FAT2: variants seen among roughly 807,000 people sequenced by gnomAD.
FAT2 encodes the protein FAT atypical cadherin 2.
FAT2 carries 150 observed loss-of-function variants against 295.3 expected under a neutral mutation model. The observed-to-expected ratio is 0.51, with a 90% confidence interval of 0.44 to 0.58. FAT2 has a LOEUF of 0.58. Among genes scored for constraint, FAT2 ranks in the 20% least tolerant of loss-of-function variants. The pLI, the probability that FAT2 is intolerant of heterozygous loss-of-function variation, is 0.00. For missense variants in FAT2, 4,868 were observed against 5,442.7 expected (o/e 0.89, Z 3.32); for synonymous variants, 2,026 against 2,150.3 (o/e 0.94, Z 1.60).
In FAT2 at chr5:151,534,659, C is replaced by T; in HGVS notation, c.9194-17G>A. ...TCAGCTCCCCTGGTCGGAGAAATGA[C>T]AAAAGTTGAGCTTTCTCTGGGGAAA... On this transcript the variant is annotated splice_polypyrimidine_tract_variant and intron_variant, in intron 12 of 23. Transcript: ENST00000261800. The T allele has an allele frequency of 6.3e-7, 1 of 1,595,802 alleles. No homozygotes were observed. The highest frequency in any genetic ancestry group is 8.6e-7 in the Non-Finnish European group (1 of 1,164,622).
chr5:151,546,828 C>T (rs1444148675), intron 9 of FAT2, among the ~76,000 whole-genome samples: 1 of 152,060 alleles, frequency 6.6e-6, no homozygotes, highest in Non-Finnish European at 1.5e-5. Flanking sequence ...AAGCGGTCCT[C>T]CAGCCTCAGC....
intron 3 of FAT2, among the ~76,000 whole-genome samples, chr5:151,561,977 A>G (rs945327482): frequency 4.6e-5 from 7 of 152,094 alleles, no homozygotes; most frequent in African/African-American, 1.7e-4. Flanking sequence ...TAGGTGAGAG[A>G]TCTCTTCCCA....
At chr5:151,538,537 G>A (rs539995572) in intron 11 of FAT2, among the ~76,000 whole-genome samples, 1 of 152,328 alleles carries the variant, frequency 6.6e-6, no homozygotes, top group African/African-American at 2.4e-5. Flanking sequence ...TGGCAGAGGG[G>A]AAAGGCTGGA....
rs780155104 is a variant in FAT2, at chr5:151,550,607, G to A, written c.4561C>T (p.His1521Tyr). 20 of 1,614,012 alleles carry A rather than the reference G, an allele frequency of 1.2e-5. No homozygotes were observed. Among genetic ancestry groups the A allele is most frequent in the Admixed American group, 8.3e-5 (5 of 60,008 alleles). The change falls in exon 8 of 24, where the codon CAC (histidine) becomes TAC (tyrosine). Residue 1521 changes from histidine (H) to tyrosine (Y), a missense_variant. This residue lies in a region of FAT2 where 3,297 missense variants were observed against 3,669.4 expected (regional missense o/e 0.90). Coordinates refer to ENST00000261800, the MANE Select transcript of FAT2 (RefSeq NM_001447.3). ...KLDLGSGPSQ[H>Y]TLTVMVRDQE... ...TTACTCACCATGACTGTCAGTGTGT[G>A]CTGGGAGGGCCCCGAGCCGAGGTCC...
intron 1 of FAT2, among the ~76,000 whole-genome samples, chr5:151,588,252 C>T (rs931883313): frequency 6.6e-6 from 1 of 152,154 alleles, no homozygotes; most frequent in Non-Finnish European, 1.5e-5. Context: ...TCCCACATTG[C>T]CTCTGGAGGA....
At chr5:151,530,251 G>GAA (rs35386457) in intron 14 of FAT2, among the ~76,000 whole-genome samples, 5 of 128,710 alleles carry the variant, frequency 3.9e-5, no homozygotes, top group Non-Finnish European at 6.7e-5. Context: ...CTTAACACCA[G>GAA]AAAAAAAAAA....
At position 151,566,622 on chromosome 5, in the gene FAT2, C is replaced by T; in HGVS notation, c.2310G>A (p.Gly770=). The change falls in exon 2 of 24, where the codon GGG becomes GGA. Residue 770 remains glycine (G), a synonymous_variant. Coordinates refer to ENST00000261800, the MANE Select transcript of FAT2 (RefSeq NM_001447.3). ...CCAAGGGAGCAGCTACAGTGAGCAGCCCTGTCTCCAGCTCTATGTCAAAGC... is the reference window on the plus strand; with the variant it reads ...CCAAGGGAGCAGCTACAGTGAGCAGTCCTGTCTCCAGCTCTATGTCAAAGC... ...EGCFDIELET[G]LLTVAAPLDY... is the part of the protein sequence containing the mutation. The T allele has an allele frequency of 1.2e-6, 2 of 1,614,166 alleles. No individual in the cohort carries two copies. The highest frequency in any genetic ancestry group is 1.7e-6 in the Non-Finnish European group (2 of 1,180,036).
Position 151,505,251 on chromosome 5 carries a change from C to T in FAT2, c.*314G>A. On this transcript the variant is annotated 3_prime_UTR_variant, in exon 24 of 24. Coordinates refer to ENST00000261800, the MANE Select transcript of FAT2 (RefSeq NM_001447.3). ...CAGGCTCTGCCCCGGGGACTGAGAGCCGGCAGATCAGGGAGCCCTCCTGTC... is the reference window on the plus strand; with the variant it reads ...CAGGCTCTGCCCCGGGGACTGAGAGTCGGCAGATCAGGGAGCCCTCCTGTC... The T allele has an allele frequency of 2.4e-6, 1 of 424,950 alleles. No homozygotes were observed. Among genetic ancestry groups the T allele is most frequent in the Non-Finnish European group, 4.2e-6 (1 of 237,176 alleles). 26.3% of individuals were successfully genotyped at this position (424,950 alleles called of 1,614,324 possible).
At chr5:151,515,205 C>T (rs1319514846) in intron 20 of FAT2, among the ~76,000 whole-genome samples, 1 of 152,192 alleles carries the variant, frequency 6.6e-6, no homozygotes, top group Admixed American at 6.5e-5. Flanking sequence ...GTGTTCTTCA[C>T]TTGGCTTCCT....
chr5:151,547,787 T>G (rs1405149319), intron 9 of FAT2, among the ~76,000 whole-genome samples: 1 of 152,208 alleles, frequency 6.6e-6, no homozygotes, highest in Non-Finnish European at 1.5e-5. Flanking sequence ...CACAAAATTG[T>G]ATATTCATTA....
intron 20 of FAT2, among the ~76,000 whole-genome samples, chr5:151,513,166 T>A (rs371385158): frequency 6.6e-6 from 1 of 152,326 alleles, no homozygotes; most frequent in Admixed American, 6.5e-5. Context: ...GAAGTAAATA[T>A]GAGAAGCCAG....
At chr5:151,532,969 C>T (rs2127593045) in intron 13 of FAT2, among the ~76,000 whole-genome samples, 1 of 152,232 alleles carries the variant, frequency 6.6e-6, no homozygotes, top group Middle Eastern at 3.4e-3. Context: ...TATGAAGAAA[C>T]CATAATTTTT....
rs142119037 is a variant in FAT2 at position 151,568,054 on chromosome 5, C to A, written c.878G>T (p.Gly293Val). 27 of 1,614,078 alleles carry A rather than the reference C, an allele frequency of 1.7e-5. No individual in the cohort carries two copies. The highest frequency in any genetic ancestry group is 2.2e-5 in the Non-Finnish European group (26 of 1,180,044). Residue 293 changes from glycine (G) to valine (V), a missense_variant, in exon 2 of 24, where the codon GGT (glycine) becomes GTT (valine). Transcript: ENST00000261800. The stretch of plus-strand genomic sequence containing the variant: ...TTTGAAGTGCTTTCCAGGGTCACCA[C>A]CAACAACTTCCACTGACTCCACTTC... ...GAEVESVEVV[G>V]GDPGKHFKAI...
chr5:151,543,035 A>T lies in FAT2; in HGVS notation c.8092T>A (p.Phe2698Ile). Reference protein sequence around the residue: ...LPKFSEPLYTFSAPEDLPEGS... With the variant: ...LPKFSEPLYTISAPEDLPEGS... The stretch of plus-strand genomic sequence containing the variant: ...TCTGGAAGGTCTTCAGGTGCAGAGA[A>T]AGTATACAAAGGTTCAGAAAATTTC... The change falls in exon 10 of 24, where the codon TTC becomes ATC. Residue 2698 changes from phenylalanine (F) to isoleucine (I), a missense_variant. Physicochemically the swap from Phe to Ile is conservative, Grantham distance 21. Transcript: ENST00000261800. 1 of 1,614,186 alleles carries T rather than the reference A, an allele frequency of 6.2e-7. No homozygotes were observed. Among genetic ancestry groups the T allele is most frequent in the Non-Finnish European group, 8.5e-7 (1 of 1,180,028 alleles).
chr5:151,511,169 G>C (rs1326206735), intron 21 of FAT2: 1 of 152,348 alleles, frequency 6.6e-6, no homozygotes, highest in Non-Finnish European at 1.5e-5. Flanking sequence ...AATGGGGAAA[G>C]AGAGAAGTGA....
At position 151,568,709 on chromosome 5, in the gene FAT2, AGAT is replaced by A; in HGVS notation, c.220_222del (p.Ile74del). Reference sequence around the variant, plus strand: ...TTAAATACATTGGCCACATCCCCAGAGATGATCCGGTACCTCACTGCCCACTGT... The same window carrying A: ...TTAAATACATTGGCCACATCCCCAGAGATCCGGTACCTCACTGCCCACTGT... On this transcript the variant is annotated inframe_deletion, in exon 2 of 24. Transcript: ENST00000261800. 1 of 1,614,176 alleles carries A rather than the reference AGAT, an allele frequency of 6.2e-7. No individual in the cohort carries two copies.
chr5:151,533,393 A>AAAACAC (rs373411098), intron 13 of FAT2, among the ~76,000 whole-genome samples: 8,677 of 131,994 alleles, frequency 0.066, 323 homozygotes, highest in Non-Finnish European at 0.088. Context: ...TGTTATCTCC[A>AAAACAC]ACACACACAC....
In FAT2 at chr5:151,566,230, T is replaced by C; in HGVS notation, c.2702A>G (p.Lys901Arg). 1 of 1,614,124 alleles carries C rather than the reference T, an allele frequency of 6.2e-7. No individual in the cohort carries two copies. The highest frequency in any genetic ancestry group is 8.5e-7 in the Non-Finnish European group (1 of 1,180,012). Reference protein sequence around the residue: ...LKVEARDQPSKGHQLFSVTDL... With the variant: ...LKVEARDQPSRGHQLFSVTDL... ...AGTGACAGAGAAGAGCTGGTGGCCT[T>C]TGCTGGGCTGATCCCTGGCCTCCAC... Residue 901 changes from lysine (K) to arginine (R), a missense_variant, in exon 2 of 24, where the codon AAA becomes AGA. By Grantham distance (26) the Lys-to-Arg change is conservative. Around this residue, in one of 5 missense-constraint regions of FAT2, gnomAD observed 3,297 missense variants for 3,669.4 expected, o/e 0.90. Coordinates refer to ENST00000261800, the MANE Select transcript of FAT2 (RefSeq NM_001447.3).
rs1036815351 is a variant in FAT2 at position 151,512,830 on chromosome 5, G to T, written c.11464-224C>A. 1.8e-6 allele frequency: 1 copy of T among 567,660 alleles called. No homozygotes were observed. Among genetic ancestry groups the T allele is most frequent in the South Asian group, 2.2e-5 (1 of 45,614 alleles). 35.2% of individuals were successfully genotyped at this position (567,660 alleles called of 1,614,324 possible). ...CCCCATGGGATGGTCTGGGTAGGGG[G>T]TGACATCTCCATTCACAGATGAGGA... On this transcript the variant is annotated intron_variant, in intron 20 of 23. Coordinates refer to ENST00000261800, the MANE Select transcript of FAT2 (RefSeq NM_001447.3). This position sits in a 1 kb window ranked among gnomAD's most constrained non-coding sequence, Gnocchi z 4.1.
Sources: allele counts gnomAD v4.1 joint callset (sites outside exome capture counted in the v4.1 genomes callset), GRCh38; gene constraint gnomAD v4.1.1; regional missense constraint gnomAD v4.1.1; non-coding constraint Gnocchi (gnomAD v3.1); transcripts MANE v1.5; gene names NCBI Gene and HGNC (gene_info 2026-07-23, HGNC 2026-07-21).